The following KIF26B variants were observed in gnomAD, a reference collection of about 807,000 sequenced individuals.
The protein encoded by KIF26B is kinesin-like protein KIF26B.
A neutral mutation model predicts 151.2 loss-of-function variants in KIF26B; 63 were observed. The ratio of observed to expected loss-of-function variants is 0.42; its 90% CI spans 0.34 to 0.51. KIF26B has a LOEUF of 0.51. Among genes scored for constraint, KIF26B ranks in the 20% least tolerant of loss-of-function variants. The pLI is 0.07. For missense variants in KIF26B, 2,813 were observed against 2,913.6 expected (o/e 0.97, Z 0.79); for synonymous variants, 1,357 against 1,262.1 (o/e 1.08, Z -1.59).
At chr1:245,565,217 T>C (rs1270325195) in intron 5 of KIF26B, among the ~76,000 whole-genome samples, 1 of 152,200 alleles carries the variant, frequency 6.6e-6, no homozygotes, top group African/African-American at 2.4e-5. Flanking sequence ...AGGAATGCTC[T>C]AGCTATTGGT....
chr1:245,423,677 C>T (rs1572054703), intron 4 of KIF26B, among the ~76,000 whole-genome samples: 1 of 152,080 alleles, frequency 6.6e-6, no homozygotes, highest in South Asian at 2.1e-4. Flanking sequence ...GGATTCCTAC[C>T]TTTACACGGT....
chr1:245,223,311 T>C (rs1441756746), intron 2 of KIF26B, among the ~76,000 whole-genome samples: 1 of 152,240 alleles, frequency 6.6e-6, no homozygotes, highest in Non-Finnish European at 1.5e-5. Context: ...AGTATGTATA[T>C]CATTAACTAG....
At chr1:245,438,240 C>T (rs978069454) in intron 4 of KIF26B, among the ~76,000 whole-genome samples, 4 of 152,268 alleles carry the variant, frequency 2.6e-5, no homozygotes, top group African/African-American at 7.2e-5. Context: ...CTGTCCCCAA[C>T]GGATTGCTTT....
At chr1:245,313,119 A>G (rs1558385109) in intron 2 of KIF26B, among the ~76,000 whole-genome samples, 1 of 152,162 alleles carries the variant, frequency 6.6e-6, no homozygotes. Flanking sequence ...AGATCATGAC[A>G]CTGCACTTCA....
chr1:245,618,956 A>C (rs1432650595), intron 9 of KIF26B, among the ~76,000 whole-genome samples: 1 of 134,792 alleles, frequency 7.4e-6, no homozygotes, highest in Non-Finnish European at 1.5e-5. Flanking sequence ...AGAGTGCCAC[A>C]GTCCTGGGGC....
chr1:245,398,365 G>A (rs970931955), intron 3 of KIF26B, among the ~76,000 whole-genome samples: 6 of 152,166 alleles, frequency 3.9e-5, no homozygotes, highest in Admixed American at 3.9e-4. Context: ...AGGGTTCATG[G>A]AGCCTGTGGT....
intron 2 of KIF26B, among the ~76,000 whole-genome samples, chr1:245,197,062 C>T (rs1416102814): frequency 2.0e-5 from 3 of 152,104 alleles, no homozygotes; most frequent in Non-Finnish European, 2.9e-5. Flanking sequence ...TCAGAGGGCA[C>T]GGATTAGATT....
chr1:245,411,855 T>C (rs1674294580), intron 3 of KIF26B, among the ~76,000 whole-genome samples: 1 of 152,194 alleles, frequency 6.6e-6, no homozygotes, highest in African/African-American at 2.4e-5. Flanking sequence ...ATGTGGACTC[T>C]ATCACTGCAT....
At chr1:245,354,839 G>A (rs1416507268) in intron 2 of KIF26B, among the ~76,000 whole-genome samples, 1 of 152,252 alleles carries the variant, frequency 6.6e-6, no homozygotes, top group African/African-American at 2.4e-5. Flanking sequence ...CAGGTGAGAA[G>A]GAATCAGAGG....
At chr1:245,190,203 G>C (rs1669075189) in intron 2 of KIF26B, among the ~76,000 whole-genome samples, 1 of 152,220 alleles carries the variant, frequency 6.6e-6, no homozygotes, top group South Asian at 2.1e-4. Flanking sequence ...AATTAAGGGA[G>C]CTACAATTCA....
chr1:245,465,271 C>G (rs1348961536), intron 4 of KIF26B, among the ~76,000 whole-genome samples: 2 of 152,210 alleles, frequency 1.3e-5, no homozygotes, highest in Admixed American at 6.5e-5. Flanking sequence ...AGCCACCGCG[C>G]CCGGACCCAT....
At chr1:245,274,831 T>C (rs1009006888) in intron 2 of KIF26B, among the ~76,000 whole-genome samples, 2 of 152,176 alleles carry the variant, frequency 1.3e-5, no homozygotes, top group Admixed American at 6.5e-5. Context: ...ATCCTTTGGG[T>C]ATATACCCAG....
intron 2 of KIF26B, among the ~76,000 whole-genome samples, chr1:245,179,937 G>A (rs1668874820): frequency 6.6e-6 from 1 of 152,192 alleles, no homozygotes; most frequent in Admixed American, 6.5e-5. Context: ...CCTGGGTGGT[G>A]AGGGCAAAGA....
chr1:245,437,559 A>G (rs1558165490), intron 4 of KIF26B, among the ~76,000 whole-genome samples: 2 of 152,132 alleles, frequency 1.3e-5, no homozygotes, highest in Non-Finnish European at 2.9e-5. Context: ...GCGTGTGAGG[A>G]ACGTTGATTT....
chr1:245,531,715 G>C (rs1246064849), intron 4 of KIF26B, among the ~76,000 whole-genome samples: 1 of 152,210 alleles, frequency 6.6e-6, no homozygotes, highest in African/African-American at 2.4e-5. Context: ...TAAGTGAACA[G>C]TGCAGTGATG....
At chr1:245,642,027 G>C (rs2043897288) in intron 9 of KIF26B, among the ~76,000 whole-genome samples, 1 of 152,186 alleles carries the variant, frequency 6.6e-6, no homozygotes, top group Non-Finnish European at 1.5e-5. Flanking sequence ...CTCAGCATTA[G>C]AGGATACTCT....
At chr1:245,394,722 C>G (rs76691465) in intron 3 of KIF26B, among the ~76,000 whole-genome samples, 1 of 116,096 alleles carries the variant, frequency 8.6e-6, no homozygotes, top group Admixed American at 9.4e-5. Flanking sequence ...TGGAGTTTCA[C>G]TCTTGTTGCC....
intron 2 of KIF26B, among the ~76,000 whole-genome samples, chr1:245,321,024 A>G (rs1230812299): frequency 6.6e-6 from 1 of 152,184 alleles, no homozygotes; most frequent in Non-Finnish European, 1.5e-5. Context: ...GTGACAGTTC[A>G]TCTCCTGACT....
At chr1:245,296,297 G>A (rs1317946408) in intron 2 of KIF26B, among the ~76,000 whole-genome samples, 1 of 151,900 alleles carries the variant, frequency 6.6e-6, no homozygotes, top group African/African-American at 2.4e-5. Context: ...GTTAACTGAA[G>A]TCTGTCTTCT....
Sources: gnomAD v4.1 joint callset for allele counts (sites outside exome capture counted in the v4.1 genomes callset) on GRCh38, gnomAD v4.1.1 for gene constraint, MANE v1.5 for transcripts, NCBI Gene and HGNC (gene_info 2026-07-23, HGNC 2026-07-21) for gene names.